The following LAMA2 variants were observed in gnomAD, a reference collection of about 807,000 sequenced individuals.
The protein encoded by LAMA2 is laminin subunit alpha 2, also known as laminin subunit alpha-2.
A neutral mutation model predicts 364.8 loss-of-function variants in LAMA2; 269 were observed. That is an observed-to-expected ratio of 0.74 (90% CI 0.67 to 0.82). The LOEUF is 0.82. LAMA2 is among the 40% of genes least tolerant of loss of function. The pLI, the probability that LAMA2 is intolerant of heterozygous loss-of-function variation, is 0.00. For synonymous variants in LAMA2, 1,379 were observed against 1,370.6 expected (o/e 1.01, Z -0.14); for missense variants, 3,807 against 3,873.2 (o/e 0.98, Z 0.45).
chr6:129,482,409 T>A (rs1186755029), intron 55 of LAMA2, among the ~76,000 whole-genome samples: 1 of 152,238 alleles, frequency 6.6e-6, no homozygotes, highest in African/African-American at 2.4e-5. Context: ...TGGTATTCTT[T>A]AATATCTTCA....
chr6:129,074,723 A>AAGGAATG (rs1773521639), intron 3 of LAMA2, among the ~76,000 whole-genome samples: 1 of 152,236 alleles, frequency 6.6e-6, no homozygotes, highest in Non-Finnish European at 1.5e-5. Context: ...GTTCTGAATT[A>AAGGAATG]TTGCTTCAAT....
intron 58 of LAMA2, among the ~76,000 whole-genome samples, chr6:129,501,243 C>T (rs768330899): frequency 7.2e-5 from 11 of 152,104 alleles, no homozygotes; most frequent in African/African-American, 1.2e-4. Context: ...TTGCAGGCAG[C>T]GTAATAAGAA....
chr6:129,231,083 T>C (rs1322276338), intron 12 of LAMA2, among the ~76,000 whole-genome samples: 1 of 152,100 alleles, frequency 6.6e-6, no homozygotes, highest in Admixed American at 6.6e-5. Flanking sequence ...TCCTTGACAG[T>C]GCTTTAACTC....
At chr6:129,163,572 G>A (rs530373758) in intron 8 of LAMA2, among the ~76,000 whole-genome samples, 1 of 152,312 alleles carries the variant, frequency 6.6e-6, no homozygotes, top group African/African-American at 2.4e-5. Flanking sequence ...AAGTGAGGTT[G>A]CAGTGGGTCA....
chr6:129,264,558 AT>A (rs544882021), intron 15 of LAMA2, among the ~76,000 whole-genome samples: 167 of 152,268 alleles, frequency 1.1e-3, no homozygotes, highest in Admixed American at 2.6e-3. Flanking sequence ...ACTGAATAAA[AT>A]TACCCAGGAG....
At chr6:129,152,381 T>C (rs550029155) in intron 7 of LAMA2, among the ~76,000 whole-genome samples, 3 of 152,338 alleles carry the variant, frequency 2.0e-5, no homozygotes, top group Non-Finnish European at 2.9e-5. Flanking sequence ...TCATTTGTCA[T>C]AGCGTTCCTG....
intron 45 of LAMA2, among the ~76,000 whole-genome samples, chr6:129,452,320 AG>A (rs1193273755): frequency 6.6e-6 from 1 of 152,220 alleles, no homozygotes; most frequent in Non-Finnish European, 1.5e-5. Context: ...GTAATTTTTA[AG>A]GTATTATTCA....
chr6:129,417,654 C>T (rs1780868073), intron 40 of LAMA2, among the ~76,000 whole-genome samples: 1 of 151,990 alleles, frequency 6.6e-6, no homozygotes, highest in South Asian at 2.1e-4. Context: ...ATCCACGGCG[C>T]CCACTGGCAC....
At chr6:129,492,988 C>G (rs1784953599) in intron 58 of LAMA2, among the ~76,000 whole-genome samples, 1 of 152,094 alleles carries the variant, frequency 6.6e-6, no homozygotes, top group South Asian at 2.1e-4. Context: ...AACCCCGTCT[C>G]TTCTAAAATA....
intron 32 of LAMA2, among the ~76,000 whole-genome samples, chr6:129,357,636 T>C (rs554140779): frequency 1.3e-5 from 2 of 152,154 alleles, no homozygotes; most frequent in East Asian, 1.9e-4. Context: ...CTCTGTAAAA[T>C]TGGCAACTTC....
intron 35 of LAMA2, among the ~76,000 whole-genome samples, chr6:129,388,321 A>G (rs1583633597): frequency 6.6e-6 from 1 of 152,012 alleles, no homozygotes; most frequent in African/African-American, 2.4e-5. Context: ...GCAGCAAACC[A>G]CCATGGCATA....
chr6:129,030,275 G>T (rs1178714476), intron 1 of LAMA2, among the ~76,000 whole-genome samples: 1 of 151,918 alleles, frequency 6.6e-6, no homozygotes, highest in East Asian at 1.9e-4. Context: ...AAATTATGCA[G>T]AAGTTCTATC....
intron 17 of LAMA2, among the ~76,000 whole-genome samples, chr6:129,271,969 T>G (rs1787971417): frequency 6.6e-6 from 1 of 152,204 alleles, no homozygotes; most frequent in Non-Finnish European, 1.5e-5. Flanking sequence ...TTAAATGTTC[T>G]CCTTGAAACT....
At chr6:129,088,589 C>A (rs966031953) in intron 3 of LAMA2, among the ~76,000 whole-genome samples, 1 of 151,660 alleles carries the variant, frequency 6.6e-6, no homozygotes, top group Non-Finnish European at 1.5e-5. Flanking sequence ...ACCTCCCTCC[C>A]GGACGGGGTG....
intron 1 of LAMA2, among the ~76,000 whole-genome samples, chr6:129,031,937 A>G (rs1786258458): frequency 6.6e-6 from 1 of 151,998 alleles, no homozygotes; most frequent in Non-Finnish European, 1.5e-5. Flanking sequence ...CTCCTGCCTT[A>G]TCCTCCCGAG....
intron 1 of LAMA2, among the ~76,000 whole-genome samples, chr6:128,981,663 T>A (rs547326321): frequency 1.3e-5 from 2 of 151,152 alleles, no homozygotes; most frequent in East Asian, 2.0e-4. Flanking sequence ...GGTGGGAGGA[T>A]CCCTTGAGTT....
At chr6:129,204,693 T>C (rs893255775) in intron 12 of LAMA2, among the ~76,000 whole-genome samples, 2 of 152,330 alleles carry the variant, frequency 1.3e-5, no homozygotes, top group South Asian at 4.1e-4. Context: ...ACCCAGTCTA[T>C]GGTATTTTAT....
intron 24 of LAMA2, 39 bp downstream of exon 24, chr6:129,314,837 T>C: frequency 6.2e-7 from 1 of 1,610,592 alleles, no homozygotes; most frequent in Non-Finnish European, 8.5e-7. Context: ...TGGTATAATG[T>C]TAGTTCCTGC....
chr6:129,069,385 T>TTA (rs1773153949), intron 3 of LAMA2, among the ~76,000 whole-genome samples: 1 of 148,350 alleles, frequency 6.7e-6, no homozygotes, highest in South Asian at 2.1e-4. Flanking sequence ...ATCATATTTG[T>TTA]TATATATATT....
Sources: allele counts gnomAD v4.1 joint callset (sites outside exome capture counted in the v4.1 genomes callset), GRCh38; gene constraint gnomAD v4.1.1; transcripts MANE v1.5; gene names NCBI Gene and HGNC (gene_info 2026-07-23, HGNC 2026-07-21).